RBFOX1: variants seen among roughly 807,000 people sequenced by gnomAD.
The protein encoded by RBFOX1 is RNA binding protein fox-1 homolog 1.
A neutral mutation model predicts 57.7 loss-of-function variants in RBFOX1; 8 were observed. The ratio of observed to expected loss-of-function variants is 0.14; its 90% confidence interval spans 0.08 to 0.25. RBFOX1 has a LOEUF of 0.25. Ranked by LOEUF, RBFOX1 falls within the 10% of genes least tolerant of loss-of-function variation. The pLI is 1.00. For synonymous variants in RBFOX1, 326 were observed against 222.4 expected (o/e 1.47, Z -4.15); for missense variants, 611 against 548.5 (o/e 1.11, Z -1.14).
chr16:6,777,060 G>T (rs898134376), intron 3 of RBFOX1, among the ~76,000 whole-genome samples: 2 of 152,078 alleles, frequency 1.3e-5, no homozygotes, highest in African/African-American at 2.4e-5. Flanking sequence ...CTACCTGAGG[G>T]CAGGGATTCT....
intron 2 of RBFOX1, among the ~76,000 whole-genome samples, chr16:5,585,847 C>A (rs2046813052): frequency 6.6e-6 from 1 of 152,176 alleles, no homozygotes; most frequent in Admixed American, 6.5e-5. Context: ...GAACAAAATT[C>A]TTGGCATTTT....
chr16:6,972,389 C>T (rs147361849), intron 3 of RBFOX1, among the ~76,000 whole-genome samples: 1 of 152,030 alleles, frequency 6.6e-6, no homozygotes, highest in South Asian at 2.1e-4. Flanking sequence ...GCATAATGTC[C>T]TCAGGGTTCA....
intron 3 of RBFOX1, among the ~76,000 whole-genome samples, chr16:6,747,155 A>G (rs1247719478): frequency 6.6e-6 from 1 of 152,156 alleles, no homozygotes; most frequent in Non-Finnish European, 1.5e-5. Context: ...CACGCCTATA[A>G]TCCCAACACT....
At chr16:5,572,553 C>G (rs1303246417) in intron 2 of RBFOX1, among the ~76,000 whole-genome samples, 1 of 152,194 alleles carries the variant, frequency 6.6e-6, no homozygotes, top group Non-Finnish European at 1.5e-5. Flanking sequence ...CAGAATCTCT[C>G]CAGGCATTGC....
At chr16:6,751,749 C>T (rs956900036) in intron 3 of RBFOX1, among the ~76,000 whole-genome samples, 2 of 152,208 alleles carry the variant, frequency 1.3e-5, no homozygotes, top group East Asian at 3.9e-4. Flanking sequence ...ATTGAACCTG[C>T]GTTGTTTACT....
chr16:7,441,422 C>G (rs1446443680), intron 4 of RBFOX1, among the ~76,000 whole-genome samples: 1 of 152,094 alleles, frequency 6.6e-6, no homozygotes, highest in East Asian at 1.9e-4. Flanking sequence ...TTGCCTAAGC[C>G]TCCCATTACA....
At chr16:6,935,981 T>C (rs1265834632) in intron 3 of RBFOX1, among the ~76,000 whole-genome samples, 1 of 152,192 alleles carries the variant, frequency 6.6e-6, no homozygotes, top group Non-Finnish European at 1.5e-5. Flanking sequence ...CAGGCAGTGA[T>C]TGCATATCTG....
intron 3 of RBFOX1, among the ~76,000 whole-genome samples, chr16:6,681,159 A>C (rs9934496): frequency 6.6e-6 from 1 of 151,722 alleles, no homozygotes; most frequent in African/African-American, 2.4e-5. Flanking sequence ...TAAAAATACA[A>C]AAATTAGCCA....
chr16:6,351,008 T>C (rs1400031121), intron 2 of RBFOX1, among the ~76,000 whole-genome samples: 2 of 152,126 alleles, frequency 1.3e-5, no homozygotes, highest in Non-Finnish European at 2.9e-5. Flanking sequence ...AGTAGCAACT[T>C]GTGCAAAGTT....
chr16:5,815,040 G>C (rs1325394256), intron 3 of RBFOX1, among the ~76,000 whole-genome samples: 5 of 151,454 alleles, frequency 3.3e-5, no homozygotes, highest in Non-Finnish European at 4.4e-5. Context: ...CTGAAGTGCA[G>C]TGGCATGATT....
intron 3 of RBFOX1, among the ~76,000 whole-genome samples, chr16:5,734,049 A>G (rs901819749): frequency 2.0e-5 from 3 of 152,194 alleles, no homozygotes; most frequent in African/African-American, 4.8e-5. Context: ...ATGCACGAAC[A>G]GCCCAGGCAC....
At position 5,596,220 on chromosome 16, in the gene RBFOX1, A is replaced by G. The variant is rs150927078; in HGVS notation, c.259-2682A>G. Among the ~76,000 whole-genome samples, 3 of 152,292 alleles carry G rather than the reference A, an allele frequency of 2.0e-5. No homozygotes were observed. In the East Asian group the frequency reaches 5.8e-4, roughly 29 times the overall value. ...GGTAGCTAGGTTCCCAAGTAAGATC[A>G]TACTCGAGTGTGAGTCCTAACTTGT... On this transcript the variant is annotated intron_variant, in intron 2 of 2. Coordinates refer to the RBFOX1 transcript ENST00000585867.
intron 3 of RBFOX1, among the ~76,000 whole-genome samples, chr16:6,911,469 C>G (rs546596976): frequency 1.3e-5 from 2 of 152,244 alleles, no homozygotes; most frequent in African/African-American, 4.8e-5. Context: ...TCAGTGTGAT[C>G]TCTGCCTTCA....
chr16:6,846,547 G>A (rs998489214), intron 3 of RBFOX1, among the ~76,000 whole-genome samples: 1 of 152,188 alleles, frequency 6.6e-6, no homozygotes, highest in Non-Finnish European at 1.5e-5. Context: ...AATCAAGGGA[G>A]CTGTTCGGGG....
chr16:6,233,232 T>A (rs939429567), intron 1 of RBFOX1, among the ~76,000 whole-genome samples: 2 of 152,124 alleles, frequency 1.3e-5, no homozygotes, highest in Admixed American at 6.5e-5. Flanking sequence ...AGAGGCCCCT[T>A]TAGCTGCACT....
At chr16:6,472,495 C>A (rs2095199516) in intron 2 of RBFOX1, among the ~76,000 whole-genome samples, 1 of 152,102 alleles carries the variant, frequency 6.6e-6, no homozygotes, top group Non-Finnish European at 1.5e-5. Context: ...CCTGTTGTTT[C>A]CTTTGGGAGG....
At chr16:7,568,499 G>A (rs973515434) in intron 5 of RBFOX1, among the ~76,000 whole-genome samples, 10 of 152,080 alleles carry the variant, frequency 6.6e-5, no homozygotes, top group Admixed American at 2.0e-4. Context: ...TCTTGGTTTC[G>A]GTGGGATTTG....
intron 7 of RBFOX1, among the ~76,000 whole-genome samples, chr16:7,590,346 A>G (rs1366063010): frequency 6.6e-6 from 1 of 151,846 alleles, no homozygotes; most frequent in Non-Finnish European, 1.5e-5. Context: ...TTGGAAATGT[A>G]TATAACTCAA....
chr16:7,086,721 T>TACACACACAAACACACACAGAC (rs1555460233), intron 4 of RBFOX1, among the ~76,000 whole-genome samples: 8 of 149,476 alleles, frequency 5.4e-5, no homozygotes, highest in Non-Finnish European at 1.2e-4. Flanking sequence ...GAAGAATGTA[T>TACACACACAAACACACACAGAC]ACACACACAC....
Sources: gnomAD v4.1 joint callset for allele counts (sites outside exome capture counted in the v4.1 genomes callset) on GRCh38, gnomAD v4.1.1 for gene constraint, MANE v1.5 for transcripts, NCBI Gene and HGNC (gene_info 2026-07-23, HGNC 2026-07-21) for gene names.